The following ADRB3 variants were observed in gnomAD, a reference collection of about 807,000 sequenced individuals.
ADRB3 encodes the protein beta-3 adrenergic receptor.
ADRB3 carries 33 observed loss-of-function variants against 23.8 expected under a neutral mutation model. That is an observed-to-expected ratio of 1.38 (90% CI 1.05 to 1.85). The LOEUF is 1.85. Among genes scored for constraint, ADRB3 ranks in the 40% most tolerant of loss-of-function variants. ADRB3 has a pLI of 0.00. For missense variants in ADRB3, 600 were observed against 579.6 expected (o/e 1.04, Z -0.36); for synonymous variants, 289 against 273.0 (o/e 1.06, Z -0.58).
Position 37,965,533 on chromosome 8 carries a change from C to A in ADRB3, c.937G>T (p.Val313Leu). The change falls in exon 1 of 2, where the codon GTG becomes TTG. Residue 313 changes from valine to leucine, a missense_variant. Coordinates refer to ENST00000345060, the MANE Select transcript of ADRB3 (RefSeq NM_000025.3). ...GAGGGGCCCCCCAGGGCGCGCAGCA[C>A]GTTGGCCAGAAAGAAGGGCAACCAG... The part of the protein sequence containing the change: ...LCWLPFFLAN[V>L]LRALGGPSLV... 1 of 1,551,292 alleles carries A rather than the reference C, an allele frequency of 6.4e-7. No individual in the cohort carries two copies. Among genetic ancestry groups the A allele is most frequent in the East Asian group, 2.4e-5 (1 of 41,002 alleles).
chr8:37,964,796 G>T (rs1308050241), intron 1 of ADRB3, among the ~76,000 whole-genome samples: 1 of 152,224 alleles, frequency 6.6e-6, no homozygotes, highest in African/African-American at 2.4e-5. Context: ...GCTGGGATTG[G>T]TGGGGCTCGC....
intron 1 of ADRB3, among the ~76,000 whole-genome samples, chr8:37,964,575 C>G (rs1431967966): frequency 6.6e-6 from 1 of 151,818 alleles, no homozygotes; most frequent in Non-Finnish European, 1.5e-5. Context: ...CCTTCAAGTC[C>G]GAGCCAGGTC....
chr8:37,964,615 G>A (rs1015915384), intron 1 of ADRB3, among the ~76,000 whole-genome samples: 1 of 152,018 alleles, frequency 6.6e-6, no homozygotes, highest in Non-Finnish European at 1.5e-5. Flanking sequence ...GGGGAGGGGG[G>A]CAAAGAACTG....
Position 37,966,543 on chromosome 8 carries a change from G to A in ADRB3, c.-74C>T. ...CCCAAATCACCTGGCTCAGGGGAGGGGACAGCAAGGCATGAGAGCGACTTC... is the reference window on the plus strand; with the variant it reads ...CCCAAATCACCTGGCTCAGGGGAGGAGACAGCAAGGCATGAGAGCGACTTC... On this transcript the variant is annotated 5_prime_UTR_variant, in exon 1 of 2. Coordinates refer to ENST00000345060, the MANE Select transcript of ADRB3 (RefSeq NM_000025.3). 6.7e-7 allele frequency: 1 copy of A among 1,503,558 alleles called. No individual in the cohort carries two copies. The highest frequency in any genetic ancestry group is 1.2e-5 in the South Asian group (1 of 80,892). 93.1% of individuals were successfully genotyped at this position (1,503,558 alleles called of 1,614,324 possible).
intron 1 of ADRB3, chr8:37,964,992 C>T (rs1470140021): frequency 1.2e-5 from 5 of 425,452 alleles, no homozygotes; most frequent in Non-Finnish European, 2.0e-5. Context: ...CGAGAGTCCT[C>T]GGGACACCGC....
Position 37,966,317 on chromosome 8 carries a change from G to C in ADRB3, c.153C>G (p.Thr51=), listed in dbSNP as rs147723870. ...GALLALAVLA[T]VGGNLLVIVA... ...CGATGACCAGCAGGTTGCCTCCCAC[G>C]GTGGCCAGCACCGCCAGCGCCAGCA... is the stretch of plus-strand genomic sequence containing the variant. Residue 51 remains threonine (T), a synonymous_variant, in exon 1 of 2, where the codon ACC becomes ACG. Coordinates refer to ENST00000345060, the MANE Select transcript of ADRB3 (RefSeq NM_000025.3). The C allele has an allele frequency of 6.2e-7, 1 of 1,613,294 alleles. No individual in the cohort carries two copies. Among genetic ancestry groups the C allele is most frequent in the East Asian group, 2.2e-5 (1 of 44,872 alleles).
Position 37,966,250 on chromosome 8 carries a change from C to T in ADRB3, c.220G>A (p.Val74Met), listed in dbSNP as rs753800448. 12 of 1,613,560 alleles carry T rather than the reference C, an allele frequency of 7.4e-6. No individual in the cohort carries two copies. The highest frequency in any genetic ancestry group is 5.3e-5 in the African/African-American group (4 of 74,934). ...WTPRLQTMTN[V>M]FVTSLAAADL... ...GCTGCGGCCAGCGAAGTCACGAACACGTTGGTCATGGTCTGGAGTCTCGGA... is the reference window on the plus strand; with the variant it reads ...GCTGCGGCCAGCGAAGTCACGAACATGTTGGTCATGGTCTGGAGTCTCGGA... The change falls in exon 1 of 2, where the codon GTG becomes ATG. Residue 74 changes from valine to methionine, a missense_variant. Transcript: ENST00000345060.
Position 37,965,809 on chromosome 8 carries a change from G to C in ADRB3, c.661C>G (p.Leu221Val), listed in dbSNP as rs1050063598. ...VSFYLPLLVM[L>V]FVYARVFVVA... ...ACGAAAACCCGCGCGTAGACGAAGA[G>C]CATCACGAGAAGAGGAAGGTAGAAG... Residue 221 changes from leucine to valine, a missense_variant, in exon 1 of 2, where the codon CTC (leucine) becomes GTC (valine). Transcript: ENST00000345060. 6 of 1,552,384 alleles carry C rather than the reference G, an allele frequency of 3.9e-6. No individual in the cohort carries two copies. Among genetic ancestry groups the C allele is most frequent in the Non-Finnish European group, 5.2e-6 (6 of 1,147,320 alleles).
rs547145546 is a variant in ADRB3 at position 37,966,152 on chromosome 8, G to T, written c.318C>A (p.Gly106=). The T allele has an allele frequency of 1.8e-5, 29 of 1,609,936 alleles. No homozygotes were observed. Among genetic ancestry groups the T allele is most frequent in the Admixed American group, 3.4e-5 (2 of 59,458 alleles). Residue 106 remains glycine, a synonymous_variant, in exon 1 of 2, where the codon GGC becomes GGA. Coordinates refer to ENST00000345060, the MANE Select transcript of ADRB3 (RefSeq NM_000025.3). ...TLALTGHWPL[G]ATGCELWTSV... is the part of the protein sequence containing the mutation. Reference sequence around the variant, plus strand: ...AGGTCCACAGCTCGCAGCCAGTGGCGCCCAACGGCCAGTGGCCAGTCAGCG... The same window carrying T: ...AGGTCCACAGCTCGCAGCCAGTGGCTCCCAACGGCCAGTGGCCAGTCAGCG...
chr8:37,966,249 A>T lies in ADRB3; in HGVS notation c.221T>A (p.Val74Glu). The T allele has an allele frequency of 3.1e-6, 5 of 1,613,580 alleles. No homozygotes were observed. The highest frequency in any genetic ancestry group is 4.2e-6 in the Non-Finnish European group (5 of 1,179,802). ...WTPRLQTMTN[V>E]FVTSLAAADL... ...GGCTGCGGCCAGCGAAGTCACGAAC[A>T]CGTTGGTCATGGTCTGGAGTCTCGG... The change falls in exon 1 of 2, where the codon GTG becomes GAG. Residue 74 changes from valine to glutamate, a missense_variant. Val to Glu is a moderately radical substitution (Grantham distance 121). Coordinates refer to ENST00000345060, the MANE Select transcript of ADRB3 (RefSeq NM_000025.3).
chr8:37,966,588 T>C lies in ADRB3; in HGVS notation c.-119A>G, dbSNP rs34444065. 7.0e-7 allele frequency: 1 copy of C among 1,428,544 alleles called. No individual in the cohort carries two copies. Among genetic ancestry groups the C allele is most frequent in the African/African-American group, 1.4e-5 (1 of 69,570 alleles). 88.5% of individuals were successfully genotyped at this position (1,428,544 alleles called of 1,614,324 possible). A position where few individuals can be genotyped will look rare whatever the true frequency, so the allele number is the denominator to read the frequency against. On this transcript the variant is annotated 5_prime_UTR_variant, in exon 1 of 2. Transcript: ENST00000345060. ...GACTTCCCCAGCCTGGGCCATCTTC[T>C]CTAGCTGTCCCAGCCAGAGCGCTCA...
Position 37,965,286 on chromosome 8 carries a change from C to A in ADRB3, c.1184G>T (p.Arg395Met). ...PAARSSPAQP[R>M]LCQRLDGASW... ...CTACCCGTCGAGCCGTTGGCAAAGC[C>A]TGGGCTGCGCTGGGCTGCTCCGGGC... The change falls in exon 1 of 2, where the codon AGG becomes ATG. Residue 395 changes from arginine (R) to methionine (M), a missense_variant. Transcript: ENST00000345060. 6.6e-7 allele frequency: 1 copy of A among 1,522,482 alleles called. No individual in the cohort carries two copies. The highest frequency in any genetic ancestry group is 2.4e-5 in the Admixed American group (1 of 42,040). 94.3% of individuals were successfully genotyped at this position (1,522,482 alleles called of 1,614,324 possible).
At position 37,966,574 on chromosome 8, in the gene ADRB3, C is replaced by G; in HGVS notation, c.-105G>C. ...CAAGGCATGAGAGCGACTTCCCCAGCCTGGGCCATCTTCTCTAGCTGTCCC... is the reference window on the plus strand; with the variant it reads ...CAAGGCATGAGAGCGACTTCCCCAGGCTGGGCCATCTTCTCTAGCTGTCCC... On this transcript the variant is annotated 5_prime_UTR_variant, in exon 1 of 2. Coordinates refer to ENST00000345060, the MANE Select transcript of ADRB3 (RefSeq NM_000025.3). 5 of 1,456,078 alleles carry G rather than the reference C, an allele frequency of 3.4e-6. No homozygotes were observed. The highest frequency in any genetic ancestry group is 4.5e-6 in the Non-Finnish European group (5 of 1,107,120). 90.2% of individuals were successfully genotyped at this position (1,456,078 alleles called of 1,614,324 possible). A position where few individuals can be genotyped will look rare whatever the true frequency, so the allele number is the denominator to read the frequency against.
rs199797640 is a variant in ADRB3, at chr8:37,965,521, G to T, written c.949C>A (p.Leu317Met). ...PFFLANVLRA[L>M]GGPSLVPGPA... ...CCCGGGACTAGAGAGGGGCCCCCCA[G>T]GGCGCGCAGCACGTTGGCCAGAAAG... The change falls in exon 1 of 2, where the codon CTG (leucine) becomes ATG (methionine). Residue 317 changes from leucine (L) to methionine (M), a missense_variant. Physicochemically the swap from Leu to Met is conservative, Grantham distance 15. Transcript: ENST00000345060. 6.4e-7 allele frequency: 1 copy of T among 1,551,700 alleles called. No individual in the cohort carries two copies. The highest frequency in any genetic ancestry group is 2.4e-5 in the East Asian group (1 of 41,068).
rs1428543420 is a variant in ADRB3 at position 37,965,555 on chromosome 8, C to T, written c.915G>A (p.Trp305Ter). Residue 305 changes from tryptophan (W) to a stop codon, truncating the protein, a stop_gained, in exon 1 of 2, where the codon TGG becomes TGA. Coordinates refer to ENST00000345060, the MANE Select transcript of ADRB3 (RefSeq NM_000025.3). LOFTEE classifies it high-confidence loss of function. The part of the protein sequence containing the change: ...GLIMGTFTLC[W>*]LPFFLANVLR... The stretch of plus-strand genomic sequence containing the variant: ...GCACGTTGGCCAGAAAGAAGGGCAA[C>T]CAGCAGAGAGTGAAGGTGCCCATGA... 6.4e-7 allele frequency: 1 copy of T among 1,550,748 alleles called. No homozygotes were observed. The highest frequency in any genetic ancestry group is 2.0e-5 in the Admixed American group (1 of 51,016).
intron 1 of ADRB3, 46 bp from the exon 2 acceptor site, chr8:37,964,285 A>C (rs202024135): frequency 6.5e-7 from 1 of 1,548,074 alleles, no homozygotes; most frequent in Non-Finnish European, 8.9e-7. Context: ...GAAAGGAGCA[A>C]CAGGTGCACT....
intron 1 of ADRB3, 89 bp downstream of exon 1, chr8:37,965,176 A>T: frequency 7.8e-7 from 1 of 1,289,718 alleles, no homozygotes; most frequent in Non-Finnish European, 1.0e-6. Flanking sequence ...ACCTTCTCTT[A>T]ATAAACTCCA....
chr8:37,965,364 G>T lies in ADRB3; in HGVS notation c.1106C>A (p.Pro369Gln). 6.5e-7 allele frequency: 1 copy of T among 1,547,268 alleles called. No individual in the cohort carries two copies. Among genetic ancestry groups the T allele is most frequent in the East Asian group, 2.5e-5 (1 of 40,756 alleles). ...LLCRCGRRLP[P>Q]EPCAAARPAL... is the part of the protein sequence containing the mutation. ...CGGGCGGGCGGCGGCGCAGGGCTCCGGAGGCAGGCGACGGCCGCAGCGGCA... is the reference window on the plus strand; with the variant it reads ...CGGGCGGGCGGCGGCGCAGGGCTCCTGAGGCAGGCGACGGCCGCAGCGGCA... Residue 369 changes from proline to glutamine, a missense_variant, in exon 1 of 2, where the codon CCG (proline) becomes CAG (glutamine). Physicochemically the swap from Pro to Gln is moderately conservative, Grantham distance 76. Transcript: ENST00000345060.
rs1285967980 is a variant in ADRB3 at position 37,963,016 on chromosome 8, T to C, written c.*1202A>G. The C allele has an allele frequency of 6.6e-6, 1 of 152,194 alleles. No homozygotes were observed. The highest frequency in any genetic ancestry group is 1.5e-5 in the Non-Finnish European group (1 of 68,028). The allele number at this position is 152,194 out of a possible 1,614,324, so 9.4% of individuals were successfully genotyped here. ...CAAATTTGTAACTCCAGTTTTACTT[T>C]AAGAGGATAATACAGATTTTTGTAG... On this transcript the variant is annotated 3_prime_UTR_variant, in exon 2 of 2. Transcript: ENST00000345060.
Sources: gnomAD v4.1 joint callset for allele counts (sites outside exome capture counted in the v4.1 genomes callset) on GRCh38, gnomAD v4.1.1 for gene constraint, MANE v1.5 for transcripts, NCBI Gene and HGNC (gene_info 2026-07-23, HGNC 2026-07-21) for gene names.